STK32B: variants seen among roughly 807,000 people sequenced by gnomAD.
The protein encoded by STK32B is serine/threonine-protein kinase 32B.
STK32B carries 43 observed loss-of-function variants against 52.6 expected under a neutral mutation model. The ratio of observed to expected loss-of-function variants is 0.82; its 90% confidence interval spans 0.64 to 1.05. The LOEUF is 1.05. STK32B is among the 50% of genes least tolerant of loss of function. The pLI is 0.00. For synonymous variants in STK32B, 238 were observed against 204.3 expected (o/e 1.17, Z -1.41); for missense variants, 621 against 534.6 (o/e 1.16, Z -1.59).
chr4:5,446,627 T>TA, intron 6 of STK32B, 46 bp from the exon 7 acceptor site: 1 of 1,525,852 alleles, frequency 6.6e-7, no homozygotes, highest in Non-Finnish European at 9.1e-7. Context: ...GTGGTGGCCA[T>TA]AAACTGGGAT....
chr4:5,337,463 A>G (rs1396718493), intron 4 of STK32B, among the ~76,000 whole-genome samples: 1 of 152,170 alleles, frequency 6.6e-6, no homozygotes, highest in Non-Finnish European at 1.5e-5. Context: ...AAAGAGGATA[A>G]AGAAATGGAA....
intron 2 of STK32B, among the ~76,000 whole-genome samples, chr4:5,164,155 T>C (rs969048154): frequency 2.6e-5 from 4 of 152,208 alleles, no homozygotes; most frequent in Non-Finnish European, 5.9e-5. Flanking sequence ...AGTGGAAATT[T>C]ATTATCTTAC....
chr4:5,255,691 G>T (rs988480493), intron 3 of STK32B, among the ~76,000 whole-genome samples: 2 of 151,992 alleles, frequency 1.3e-5, no homozygotes, highest in African/African-American at 4.8e-5. Flanking sequence ...ACTGTTTTAT[G>T]TTTGGCTACT....
Position 5,139,654 on chromosome 4 carries a change from A to C in STK32B, c.53-251A>C, listed in dbSNP as rs1298004620. 1.0e-5 allele frequency: 5 copies of C among 501,082 alleles called. No individual in the cohort carries two copies. The South Asian group carries it at 1.4e-4, about 15-fold the overall frequency. The allele number at this position is 501,082 out of a possible 1,614,324, so 31.0% of individuals were successfully genotyped here. A position where few individuals can be genotyped will look rare whatever the true frequency, so the allele number is the denominator to read the frequency against. Reference sequence around the variant, plus strand: ...AAGTGGGGTAGAGAGTGAAGCAGCAAGACTGCAGAGCCTCATCAAGAAGTG... The same window carrying C: ...AAGTGGGGTAGAGAGTGAAGCAGCACGACTGCAGAGCCTCATCAAGAAGTG... On this transcript the variant is annotated intron_variant, in intron 1 of 11. Coordinates refer to ENST00000282908, the MANE Select transcript of STK32B (RefSeq NM_018401.3).
the STK32B span, chr4:5,019,436 G>C: frequency 6.8e-7 from 1 of 1,472,912 alleles, no homozygotes; most frequent in Non-Finnish European, 8.9e-7. Flanking sequence ...AGAGGCCCAG[G>C]CGTCCTCATG....
intron 3 of STK32B, among the ~76,000 whole-genome samples, chr4:5,298,778 C>T (rs1345246421): frequency 2.6e-5 from 4 of 151,916 alleles, no homozygotes; most frequent in East Asian, 1.9e-4. Flanking sequence ...CGCTTCAGTC[C>T]CCTTTCCAGG....
chr4:5,462,931 G>C (rs1717149018), intron 9 of STK32B, among the ~76,000 whole-genome samples: 2 of 152,284 alleles, frequency 1.3e-5, no homozygotes, highest in Non-Finnish European at 2.9e-5. Context: ...TAAACCACAG[G>C]GCAGGGCCCT....
chr4:5,041,636 A>G, the STK32B span, among the ~76,000 whole-genome samples: 1 of 151,594 alleles, frequency 6.6e-6, no homozygotes, highest in African/African-American at 2.4e-5. Context: ...TGAGCACTCA[A>G]CGCACACACA....
intron 11 of STK32B, among the ~76,000 whole-genome samples, 177 bp from the exon 12 acceptor site, chr4:5,498,768 C>T (rs916215411): frequency 3.3e-5 from 5 of 152,322 alleles, no homozygotes; most frequent in Non-Finnish European, 5.9e-5. Flanking sequence ...CGCTTTGATC[C>T]GAGGCCCATC....
In STK32B at chr4:5,399,306, C is replaced by T. The variant is rs1737136038; in HGVS notation, c.472+1062C>T. Among the ~76,000 whole-genome samples the T allele has an allele frequency of 6.6e-6, 1 of 152,168 alleles. No homozygotes were observed. The highest frequency in any genetic ancestry group is 1.5e-5 in the Non-Finnish European group (1 of 68,028). The stretch of plus-strand genomic sequence containing the variant: ...ATTTTCTACGCAGCTCCCCCACCCT[C>T]CTTCCCCACCTCTGCAGGCTGAGGT... On this transcript the variant is annotated intron_variant, in intron 5 of 11. Coordinates refer to ENST00000282908, the MANE Select transcript of STK32B (RefSeq NM_018401.3). This position sits in a 1 kb window ranked among gnomAD's most constrained non-coding sequence, Gnocchi z 5.4.
intron 3 of STK32B, among the ~76,000 whole-genome samples, chr4:5,318,154 A>G (rs962823253): frequency 6.6e-6 from 1 of 152,010 alleles, no homozygotes; most frequent in African/African-American, 2.4e-5. Context: ...TGTGTGTGTG[A>G]TTGGGGGAAA....
chr4:5,169,972 T>C (rs1255778087), intron 3 of STK32B, among the ~76,000 whole-genome samples: 1 of 152,206 alleles, frequency 6.6e-6, no homozygotes, highest in African/African-American at 2.4e-5. Context: ...TTGTATTCCA[T>C]TTTCTGAATT....
chr4:5,356,762 C>T (rs750256999), intron 4 of STK32B, among the ~76,000 whole-genome samples: 27 of 152,062 alleles, frequency 1.8e-4, no homozygotes, highest in Non-Finnish European at 2.9e-4. Flanking sequence ...TTTGGGAAAC[C>T]GAGGCAGGTG....
intron 2 of STK32B, among the ~76,000 whole-genome samples, chr4:5,156,733 A>G (rs937859867): frequency 6.6e-6 from 1 of 152,172 alleles, no homozygotes; most frequent in African/African-American, 2.4e-5. Context: ...AATTCATGGG[A>G]TAGCTGGAGG....
At chr4:5,418,717 G>T (rs1421704190) in intron 6 of STK32B, among the ~76,000 whole-genome samples, 1 of 152,224 alleles carries the variant, frequency 6.6e-6, no homozygotes, top group Non-Finnish European at 1.5e-5. Context: ...CAGTGAAAAT[G>T]CCCTGTTCCC....
chr4:5,284,470 GT>G (rs1054621150), intron 3 of STK32B, among the ~76,000 whole-genome samples: 4 of 151,616 alleles, frequency 2.6e-5, no homozygotes, highest in Non-Finnish European at 4.4e-5. Context: ...GGTTCGTATG[GT>G]TTTTTTTGTC....
intron 7 of STK32B, among the ~76,000 whole-genome samples, chr4:5,450,549 T>G (rs1349450297): frequency 6.6e-6 from 1 of 152,174 alleles, no homozygotes; most frequent in Non-Finnish European, 1.5e-5. Context: ...TGCTTCCTTA[T>G]AATAGAGAAA....
intron 3 of STK32B, among the ~76,000 whole-genome samples, chr4:5,301,753 T>TTC (rs1294660558): frequency 2.0e-5 from 3 of 151,228 alleles, no homozygotes; most frequent in African/African-American, 7.3e-5. Context: ...TAGCTTTTTT[T>TTC]TTTTTGAAAA....
At position 5,462,426 on chromosome 4, in the gene STK32B, A is replaced by G. The variant is rs367944421; in HGVS notation, c.909+2198A>G. ...CATCTGTGTGTGTGTGTGGTGTGCAAGTGTGCCTTGGGGCCGGCAGGGGCA... is the reference window on the plus strand; with the variant it reads ...CATCTGTGTGTGTGTGTGGTGTGCAGGTGTGCCTTGGGGCCGGCAGGGGCA... On this transcript the variant is annotated intron_variant, in intron 9 of 11. Coordinates refer to ENST00000282908, the MANE Select transcript of STK32B (RefSeq NM_018401.3). Among the ~76,000 whole-genome samples, 4 of 151,818 alleles carry G rather than the reference A, an allele frequency of 2.6e-5. No homozygotes were observed. In the East Asian group the frequency reaches 7.8e-4, roughly 29 times the overall value.
Sources: allele counts gnomAD v4.1 joint callset (sites outside exome capture counted in the v4.1 genomes callset), GRCh38; gene constraint gnomAD v4.1.1; non-coding constraint Gnocchi (gnomAD v3.1); transcripts MANE v1.5; gene names NCBI Gene and HGNC (gene_info 2026-07-23, HGNC 2026-07-21).